Variants in NFKB1 observed in about 807,000 individuals in gnomAD.
The protein encoded by NFKB1 is nuclear factor NF-kappa-B p105 subunit.
NFKB1 carries 9 observed loss-of-function variants against 105.1 expected under a neutral mutation model. The ratio of observed to expected loss-of-function variants is 0.09; its 90% CI spans 0.05 to 0.15. The LOEUF is 0.15. Among genes scored for constraint, NFKB1 ranks in the 10% least tolerant of loss-of-function variants. The pLI, the probability that NFKB1 is intolerant of heterozygous loss-of-function variation, is 1.00. For missense variants in NFKB1, 830 were observed against 1,203.7 expected, an observed-to-expected ratio of 0.69 and a Z score of 4.59; for synonymous variants, 440 against 442.2, an observed-to-expected ratio of 1.00 and a Z score of 0.06.
chr4:102,577,119 G>T, intron 7 of NFKB1, 80 bp downstream of exon 7: 1 of 1,432,624 alleles, frequency 7.0e-7, no homozygotes, highest in Non-Finnish European at 9.4e-7. Context: ...ATGTTCATCT[G>T]CATCCCTTCC....
At chr4:102,604,009 G>A (rs1057212775) in intron 16 of NFKB1, among the ~76,000 whole-genome samples, 1 of 151,954 alleles carries the variant, frequency 6.6e-6, no homozygotes, top group South Asian at 2.1e-4. Context: ...ATTATTGGAG[G>A]GTTTTATGTA....
chr4:102,591,063 A>C (rs1256159211), intron 11 of NFKB1, among the ~76,000 whole-genome samples: 2 of 152,314 alleles, frequency 1.3e-5, no homozygotes, highest in South Asian at 4.1e-4. Flanking sequence ...TTGGTTCATG[A>C]GGTTTAAAAA....
chr4:102,595,286 G>C (rs771174044), intron 13 of NFKB1, among the ~76,000 whole-genome samples: 2 of 152,158 alleles, frequency 1.3e-5, no homozygotes, highest in Non-Finnish European at 2.9e-5. Flanking sequence ...CAAACTTAAT[G>C]TATTCTGTCT....
rs948849084 is a variant in NFKB1, at chr4:102,578,791, A to G, written c.572-90A>G. The G allele has an allele frequency of 2.9e-6, 4 of 1,367,516 alleles. No individual in the cohort carries two copies. In the African/African-American group the frequency reaches 5.8e-5, roughly 20 times the overall value. 84.7% of individuals were successfully genotyped at this position (1,367,516 alleles called of 1,614,324 possible). On this transcript the variant is annotated intron_variant, in intron 7 of 23. Coordinates refer to ENST00000226574, the MANE Select transcript of NFKB1 (RefSeq NM_003998.4). ...AAGAGGAAAAATGGGTTTTTATTGT[A>G]AGTTTACATTATTTGGGCTTTATAA...
chr4:102,525,436 A>C, intron 1 of NFKB1, 76 bp from the exon 2 acceptor site: 3 of 1,407,858 alleles, frequency 2.1e-6, no homozygotes. Context: ...TTATTCCTGC[A>C]TGAATTCCAT....
chr4:102,570,891 G>A (rs1417204435), intron 6 of NFKB1, among the ~76,000 whole-genome samples: 1 of 152,178 alleles, frequency 6.6e-6, no homozygotes, highest in African/African-American at 2.4e-5. Context: ...TCAATATCGT[G>A]AAAATGGCCA....
chr4:102,514,949 G>T (rs1740031767), intron 1 of NFKB1, among the ~76,000 whole-genome samples: 1 of 152,052 alleles, frequency 6.6e-6, no homozygotes, highest in East Asian at 1.9e-4. Context: ...AACTAGCCCA[G>T]TGTACCATCT....
chr4:102,529,929 C>G lies in NFKB1; in HGVS notation c.118+15C>G, dbSNP rs1462451593. On this transcript the variant is annotated intron_variant, in intron 3 of 23. Transcript: ENST00000226574. ...ACTGCCAACAGGTAAGAAAACTCATCCCTGTTACCCTGTTGTTCTGCTTTC... is the reference window on the plus strand; with the variant it reads ...ACTGCCAACAGGTAAGAAAACTCATGCCTGTTACCCTGTTGTTCTGCTTTC... 6.4e-7 allele frequency: 1 copy of G among 1,558,634 alleles called. No homozygotes were observed. Among genetic ancestry groups the G allele is most frequent in the East Asian group, 2.3e-5 (1 of 44,194 alleles).
chr4:102,521,678 C>T (rs986449756), intron 1 of NFKB1, among the ~76,000 whole-genome samples: 9 of 152,114 alleles, frequency 5.9e-5, no homozygotes, highest in Non-Finnish European at 1.3e-4. Context: ...CCCCCAACTC[C>T]ATCCTTAATG....
At chr4:102,578,032 T>C in intron 7 of NFKB1, 1 of 976,728 alleles carries the variant, frequency 1.0e-6, no homozygotes, top group South Asian at 4.7e-5. Flanking sequence ...TTCCAATCTA[T>C]TTCCCGTTTT....
At chr4:102,506,446 G>C (rs1739421199) in intron 1 of NFKB1, among the ~76,000 whole-genome samples, 1 of 152,134 alleles carries the variant, frequency 6.6e-6, no homozygotes, top group South Asian at 2.1e-4. Context: ...CAAACCTCAG[G>C]AACAAGCAGG....
chr4:102,526,214 A>G (rs1401006294), intron 2 of NFKB1, among the ~76,000 whole-genome samples: 1 of 152,124 alleles, frequency 6.6e-6, no homozygotes, highest in Non-Finnish European at 1.5e-5. Flanking sequence ...GGTACCGGGG[A>G]TTAGGAGTTA....
chr4:102,533,963 A>G (rs897373549), intron 4 of NFKB1, 78 bp downstream of exon 4: 37 of 1,235,654 alleles, frequency 3.0e-5, no homozygotes, highest in Non-Finnish European at 4.2e-5. Flanking sequence ...AAGAATAGTA[A>G]ATGAGTTCTA....
At chr4:102,525,821 A>G (rs1329025750) in intron 2 of NFKB1, among the ~76,000 whole-genome samples, 1 of 152,242 alleles carries the variant, frequency 6.6e-6, no homozygotes, top group Non-Finnish European at 1.5e-5. Context: ...TAGAGCTACC[A>G]TAACAGATCA....
In NFKB1 at chr4:102,577,390, T is replaced by C. The variant is rs114296486; in HGVS notation, c.571+351T>C. ...ACACCCCACCGTTTCCATTTCACCCTCTCGAAAACCAATGCAGAAATCAAG... is the reference window on the plus strand; with the variant it reads ...ACACCCCACCGTTTCCATTTCACCCCCTCGAAAACCAATGCAGAAATCAAG... On this transcript the variant is annotated intron_variant, in intron 7 of 23. Coordinates refer to ENST00000226574, the MANE Select transcript of NFKB1 (RefSeq NM_003998.4). Among the ~76,000 whole-genome samples the C allele has an allele frequency of 6.8e-3, 1,030 of 152,184 alleles. 8 individuals are homozygous for C. The highest frequency in any genetic ancestry group is 0.021 in the African/African-American group (853 of 41,524).
At chr4:102,558,010 G>A (rs1252353355) in intron 5 of NFKB1, among the ~76,000 whole-genome samples, 1 of 149,852 alleles carries the variant, frequency 6.7e-6, no homozygotes, top group Non-Finnish European at 1.5e-5. Flanking sequence ...AGCCTATTGA[G>A]ATGCTACATT....
intron 5 of NFKB1, among the ~76,000 whole-genome samples, chr4:102,552,893 T>A (rs1165154853): frequency 6.6e-6 from 1 of 152,286 alleles, no homozygotes; most frequent in African/African-American, 2.4e-5. Flanking sequence ...ACGTAGATGG[T>A]ACAATATTTT....
At chr4:102,529,510 C>A (rs113910934) in intron 2 of NFKB1, among the ~76,000 whole-genome samples, 2 of 152,162 alleles carry the variant, frequency 1.3e-5, no homozygotes, top group Non-Finnish European at 2.9e-5. Context: ...AGTATCTGTT[C>A]TGTGATAAGC....
chr4:102,573,827 T>C (rs1724588566), intron 6 of NFKB1, among the ~76,000 whole-genome samples: 1 of 152,072 alleles, frequency 6.6e-6, no homozygotes, highest in Admixed American at 6.5e-5. Flanking sequence ...TAATTCCATC[T>C]AGTGTATTTT....
Sources: gnomAD v4.1 joint callset for allele counts (sites outside exome capture counted in the v4.1 genomes callset) on GRCh38, gnomAD v4.1.1 for gene constraint, MANE v1.5 for transcripts, NCBI Gene and HGNC (gene_info 2026-07-23, HGNC 2026-07-21) for gene names.